The following KIF6 variants were observed in gnomAD, a reference collection of about 807,000 sequenced individuals.
The protein encoded by KIF6 is kinesin family member 6.
Under a neutral mutation model 112.7 loss-of-function variants are expected in KIF6, and 106 were observed. The observed-to-expected ratio is 0.94, with a 90% CI of 0.80 to 1.11. The LOEUF (loss-of-function observed/expected upper bound fraction) is 1.11, where lower values mean the gene tolerates loss of function less well. Ranked by LOEUF, KIF6 falls within the 50% of genes least tolerant of loss-of-function variation. The pLI, the probability that KIF6 is intolerant of heterozygous loss-of-function variation, is 0.00. For synonymous variants in KIF6, 339 were observed against 339.9 expected (o/e 1.00, Z 0.03); for missense variants, 929 against 964.0 (o/e 0.96, Z 0.48).
At chr6:39,478,123 G>A (rs918654787) in intron 13 of KIF6, among the ~76,000 whole-genome samples, 1 of 152,216 alleles carries the variant, frequency 6.6e-6, no homozygotes, top group East Asian at 1.9e-4. Flanking sequence ...GGTAATTTGT[G>A]AGATTTTGGC....
chr6:39,452,067 G>A lies in KIF6; in HGVS notation c.1646-20906C>T, dbSNP rs571090303. On this transcript the variant is annotated intron_variant, in intron 13 of 22. Coordinates refer to ENST00000287152, the MANE Select transcript of KIF6 (RefSeq NM_145027.6). ...TCCTCATCCATGAAATAGGGCTAATGTCTACTTCATAGGGCTGTTTTGGGC... is the reference window on the plus strand; with the variant it reads ...TCCTCATCCATGAAATAGGGCTAATATCTACTTCATAGGGCTGTTTTGGGC... Among the ~76,000 whole-genome samples, 4 of 152,318 alleles carry A rather than the reference G, an allele frequency of 2.6e-5. No individual in the cohort carries two copies. In the East Asian group the frequency reaches 5.8e-4, roughly 22 times the overall value.
In KIF6 at chr6:39,527,397, T is replaced by C. The variant is rs78548242; in HGVS notation, c.1645+12606A>G. On this transcript the variant is annotated intron_variant, in intron 13 of 22. Coordinates refer to ENST00000287152, the MANE Select transcript of KIF6 (RefSeq NM_145027.6). ...TGGTCTATTACATTTCCTAAACTAT[T>C]TACTTGCTCTCCAGGCACCTCATCT... Among the ~76,000 whole-genome samples the C allele has an allele frequency of 6.7e-4, 102 of 152,196 alleles. 2 individuals are homozygous for C. The East Asian group carries it at 0.016, about 24-fold the overall frequency.
intron 16 of KIF6, among the ~76,000 whole-genome samples, chr6:39,365,629 C>T (rs186391737): frequency 2.3e-4 from 35 of 152,332 alleles, no homozygotes; most frequent in African/African-American, 6.5e-4. Context: ...CAAACAATTC[C>T]TTTTTAAAAA....
At chr6:39,725,217 C>T in intron 1 of KIF6, 28 bp downstream of exon 1, 2 of 1,598,384 alleles carry the variant, frequency 1.3e-6, no homozygotes, top group African/African-American at 2.7e-5. Context: ...CCCCGCCGCG[C>T]CGGCGCCCCG....
intron 9 of KIF6, among the ~76,000 whole-genome samples, chr6:39,581,841 A>G (rs961868145): frequency 6.6e-6 from 1 of 152,170 alleles, no homozygotes; most frequent in Non-Finnish European, 1.5e-5. Flanking sequence ...GCCCTGGAGA[A>G]TTCCCTTACT....
intron 16 of KIF6, among the ~76,000 whole-genome samples, chr6:39,371,664 TCTG>T (rs1766005855): frequency 6.6e-6 from 1 of 152,138 alleles, no homozygotes. Flanking sequence ...TTCCCTACAC[TCTG>T]CTTATGCCTC....
At chr6:39,520,455 G>A (rs1468626117) in intron 13 of KIF6, among the ~76,000 whole-genome samples, 1 of 152,212 alleles carries the variant, frequency 6.6e-6, no homozygotes, top group East Asian at 1.9e-4. Flanking sequence ...GGCCCAAGAT[G>A]TTTGGAGAAG....
Position 39,342,521 on chromosome 6 carries a change from T to C in KIF6, c.2428+1188A>G, listed in dbSNP as rs1346821763. On this transcript the variant is annotated intron_variant, in intron 22 of 22. Coordinates refer to ENST00000287152, the MANE Select transcript of KIF6 (RefSeq NM_145027.6). The surrounding 1 kb of genome is among the most constrained non-coding windows in gnomAD (Gnocchi z 4.7). ...GTTTGCTGACTGATTGGCTGTTCATTGCTGTTCAGTGCCTGATACCTATCA... is the reference window on the plus strand; with the variant it reads ...GTTTGCTGACTGATTGGCTGTTCATCGCTGTTCAGTGCCTGATACCTATCA... Among the ~76,000 whole-genome samples the C allele has an allele frequency of 6.6e-6, 1 of 151,914 alleles. No individual in the cohort carries two copies. The highest frequency in any genetic ancestry group is 6.5e-5 in the Admixed American group (1 of 15,278).
intron 13 of KIF6, among the ~76,000 whole-genome samples, chr6:39,434,590 A>AAAACAAAAC (rs773261469): frequency 2.0e-5 from 3 of 151,974 alleles, no homozygotes; most frequent in East Asian, 3.9e-4. Flanking sequence ...CAAAACAAAA[A>AAAACAAAAC]AACAAAACAA....
At chr6:39,513,771 A>G (rs1776913364) in intron 13 of KIF6, among the ~76,000 whole-genome samples, 1 of 152,162 alleles carries the variant, frequency 6.6e-6, no homozygotes. Context: ...GAGGTCTGTT[A>G]TGATATGAAC....
intron 10 of KIF6, among the ~76,000 whole-genome samples, chr6:39,546,338 CT>C (rs759372142): frequency 6.6e-6 from 1 of 152,156 alleles, no homozygotes; most frequent in Non-Finnish European, 1.5e-5. Context: ...AGTTTCTCCC[CT>C]GGGCTCTCTC....
At chr6:39,485,110 G>C (rs2150464674) in intron 13 of KIF6, among the ~76,000 whole-genome samples, 1 of 152,306 alleles carries the variant, frequency 6.6e-6, no homozygotes, top group African/African-American at 2.4e-5. Context: ...AGTAAGCATA[G>C]TGAGTAGAAA....
chr6:39,343,218 T>TA lies in KIF6; in HGVS notation c.2428+490dup, dbSNP rs1763442614. On this transcript the variant is annotated intron_variant, in intron 22 of 22. Coordinates refer to ENST00000287152, the MANE Select transcript of KIF6 (RefSeq NM_145027.6). The surrounding 1 kb of genome is among the most constrained non-coding windows in gnomAD (Gnocchi z 4.1). ...TTCCTGTTGTCTGACACGCCACTCT[T>TA]ACTTCCTCTGTGATTGTTATGGTGT... 8.1e-7 allele frequency: 1 copy of TA among 1,229,136 alleles called. No homozygotes were observed. The highest frequency in any genetic ancestry group is 1.6e-5 in the African/African-American group (1 of 63,892). The allele number at this position is 1,229,136 out of a possible 1,614,324, so 76.1% of individuals were successfully genotyped here. A position where few individuals can be genotyped will look rare whatever the true frequency, so the allele number is the denominator to read the frequency against.
At chr6:39,668,849 C>T (rs1165469942) in intron 3 of KIF6, among the ~76,000 whole-genome samples, 1 of 151,700 alleles carries the variant, frequency 6.6e-6, no homozygotes, top group Non-Finnish European at 1.5e-5. Flanking sequence ...TATTTAGGCC[C>T]ATTTTCAGTA....
intron 13 of KIF6, among the ~76,000 whole-genome samples, chr6:39,528,141 A>G (rs1314688787): frequency 6.6e-6 from 1 of 152,012 alleles, no homozygotes; most frequent in Non-Finnish European, 1.5e-5. Flanking sequence ...AGCTTTTGGT[A>G]ACCACCATTC....
intron 15 of KIF6, among the ~76,000 whole-genome samples, chr6:39,419,678 GA>G (rs1770207546): frequency 6.6e-6 from 1 of 152,174 alleles, no homozygotes; most frequent in Non-Finnish European, 1.5e-5. Context: ...AAACACCAGG[GA>G]AAAGCACAAC....
intron 3 of KIF6, among the ~76,000 whole-genome samples, chr6:39,649,773 GA>G (rs372716053): frequency 0.22 from 18,977 of 87,614 alleles, 1,543 homozygotes; most frequent in East Asian, 0.28. Context: ...AAGAAAGAAA[GA>G]AAAGAAACTA....
In KIF6 at chr6:39,448,285, C is replaced by T. The variant is rs1193846931; in HGVS notation, c.1646-17124G>A. On this transcript the variant is annotated intron_variant, in intron 13 of 22. Transcript: ENST00000287152. The stretch of plus-strand genomic sequence containing the variant: ...CTTCTCCTGGGTTCAAGTGATTCTC[C>T]TGCCTCAGCCTCCTGAGTAGCTGGG... Among the ~76,000 whole-genome samples, 3 of 152,178 alleles carry T rather than the reference C, an allele frequency of 2.0e-5. No individual in the cohort carries two copies. The East Asian group carries it at 5.8e-4, about 29-fold the overall frequency.
intron 15 of KIF6, among the ~76,000 whole-genome samples, chr6:39,391,032 T>C (rs1199751128): frequency 2.0e-5 from 3 of 152,204 alleles, no homozygotes; most frequent in Non-Finnish European, 2.9e-5. Context: ...TGCTAATATA[T>C]ATTTCATCAG....
Sources: allele counts gnomAD v4.1 joint callset (sites outside exome capture counted in the v4.1 genomes callset), GRCh38; gene constraint gnomAD v4.1.1; non-coding constraint Gnocchi (gnomAD v3.1); transcripts MANE v1.5; gene names NCBI Gene and HGNC (gene_info 2026-07-23, HGNC 2026-07-21).